Variants in GVQW3 observed in about 807,000 individuals in gnomAD.
The protein encoded by GVQW3 is GVQW motif containing 3, also known as protein GVQW3.
A neutral mutation model predicts 12.5 loss-of-function variants in GVQW3; 7 were observed. That is an observed-to-expected ratio of 0.56 (90% CI 0.32 to 1.05). GVQW3 has a LOEUF of 1.05. GVQW3 is among the 50% of genes least tolerant of loss of function. GVQW3 has a pLI of 0.04. For missense variants in GVQW3, 188 were observed against 190.8 expected, an observed-to-expected ratio of 0.99 and a Z score of 0.09; for synonymous variants, 71 against 67.2, an observed-to-expected ratio of 1.06 and a Z score of -0.28.
chr11:76,384,118 G>A (rs770085026), intron 1 of GVQW3, among the ~76,000 whole-genome samples: 1 of 152,216 alleles, frequency 6.6e-6, no homozygotes, highest in African/African-American at 2.4e-5. Flanking sequence ...GAAACATTCA[G>A]GGGGCAGGGG....
chr11:76,390,352 G>A (rs1946879571), intron 1 of GVQW3, among the ~76,000 whole-genome samples: 3 of 152,182 alleles, frequency 2.0e-5, no homozygotes, highest in Admixed American at 2.0e-4. Flanking sequence ...CTCTAAGGTT[G>A]TCAGTTAATT....
At chr11:76,384,559 G>A (rs1946812828) in intron 1 of GVQW3, among the ~76,000 whole-genome samples, 1 of 152,198 alleles carries the variant, frequency 6.6e-6, no homozygotes, top group Admixed American at 6.5e-5. Flanking sequence ...CTGACCTCAG[G>A]TGATCCACCC....
intron 1 of GVQW3, among the ~76,000 whole-genome samples, chr11:76,391,485 G>C (rs1340307847): frequency 1.3e-5 from 2 of 152,210 alleles, no homozygotes; most frequent in Non-Finnish European, 2.9e-5. Flanking sequence ...GGGAGACCAG[G>C]GCATTGACAG....
At chr11:76,396,408 G>A (rs1946940002) in intron 1 of GVQW3, among the ~76,000 whole-genome samples, 1 of 151,844 alleles carries the variant, frequency 6.6e-6, no homozygotes, top group Non-Finnish European at 1.5e-5. Context: ...TACGCTTCCC[G>A]GGCTCAAGGG....
intron 1 of GVQW3, among the ~76,000 whole-genome samples, chr11:76,400,006 T>TACACACACACACACACAC (rs60192043): frequency 1.3e-4 from 18 of 140,374 alleles, no homozygotes; most frequent in Non-Finnish European, 2.5e-4. Flanking sequence ...TCTCTCTGTA[T>TACACACACACACACACAC]ACACACACAC....
At chr11:76,403,334 C>T (rs12223763) in intron 1 of GVQW3, among the ~76,000 whole-genome samples, 39,836 of 152,072 alleles carry the variant, frequency 0.26, 5,533 homozygotes, top group Admixed American at 0.36. Flanking sequence ...TTTATTCTTT[C>T]GTATAATTTA....
intron 1 of GVQW3, among the ~76,000 whole-genome samples, chr11:76,390,745 T>C (rs1946883869): frequency 6.6e-6 from 1 of 151,434 alleles, no homozygotes; most frequent in African/African-American, 2.4e-5. Context: ...GAGAATGGCG[T>C]GAACCCGGGA....
At chr11:76,414,073 C>A (rs1247092893) in exon 2 of GVQW3, 2 of 152,124 alleles carry the variant, frequency 1.3e-5, no homozygotes, top group African/African-American at 4.8e-5. Flanking sequence ...TGGTCACAAA[C>A]TTCTGTCTCT....
chr11:76,387,738 A>G (rs1013747417), intron 1 of GVQW3, among the ~76,000 whole-genome samples: 3 of 152,144 alleles, frequency 2.0e-5, no homozygotes, highest in Non-Finnish European at 4.4e-5. Flanking sequence ...CTGGGCCAAC[A>G]TGGTGAAACC....
chr11:76,393,804 A>T (rs561569889), intron 1 of GVQW3, among the ~76,000 whole-genome samples: 3 of 152,178 alleles, frequency 2.0e-5, no homozygotes, highest in Non-Finnish European at 4.4e-5. Flanking sequence ...CATACAATGT[A>T]TAGCAATCAC....
chr11:76,388,617 T>C (rs1291572255), intron 1 of GVQW3, among the ~76,000 whole-genome samples: 1 of 151,676 alleles, frequency 6.6e-6, no homozygotes, highest in East Asian at 1.9e-4. Flanking sequence ...TGCTATCTTG[T>C]GTGCCGAGAT....
At chr11:76,387,305 G>A (rs994331047) in intron 1 of GVQW3, among the ~76,000 whole-genome samples, 4 of 152,012 alleles carry the variant, frequency 2.6e-5, no homozygotes, top group Non-Finnish European at 4.4e-5. Context: ...GCGTGGTGGT[G>A]TGTGTCTGTA....
intron 1 of GVQW3, chr11:76,394,858 T>A (rs1946925627): frequency 6.6e-6 from 1 of 152,258 alleles, no homozygotes; most frequent in South Asian, 2.1e-4. Flanking sequence ...CATTTGTTAT[T>A]GCCTGTCTTT....
intron 1 of GVQW3, among the ~76,000 whole-genome samples, chr11:76,388,826 G>A (rs1323395422): frequency 6.6e-6 from 1 of 152,056 alleles, no homozygotes; most frequent in East Asian, 1.9e-4. Context: ...TTAATAATTA[G>A]AGGACTGCGT....
At position 76,381,984 on chromosome 11, in the gene GVQW3, AG is replaced by A; in HGVS notation, c.158del (p.Gly53AspfsTer36). 1 of 1,536,436 alleles carries A rather than the reference AG, an allele frequency of 6.5e-7. No homozygotes were observed. The highest frequency in any genetic ancestry group is 1.2e-5 in the South Asian group (1 of 84,070). On this transcript the variant is annotated frameshift_variant, in exon 1 of 2. Transcript: ENST00000529331. LOFTEE classifies it high-confidence loss of function. ...TTGACTGGCACAAAAGGTTTAAAGA[AG>A]GACGGGAAGATGTTCGAGATGATGC... ...VFDWHKRFKE[G>X]REDVRDDARS... is the part of the protein sequence containing the mutation.
intron 1 of GVQW3, among the ~76,000 whole-genome samples, chr11:76,391,082 G>T (rs907384266): frequency 1.3e-5 from 2 of 152,190 alleles, no homozygotes; most frequent in Non-Finnish European, 2.9e-5. Context: ...ACCCTACAAC[G>T]TGGTGGTAGT....
At chr11:76,399,494 T>C (rs1385105284) in intron 1 of GVQW3, among the ~76,000 whole-genome samples, 1 of 152,164 alleles carries the variant, frequency 6.6e-6, no homozygotes, top group African/African-American at 2.4e-5. Context: ...TTATCAATAA[T>C]TCATGATGGT....
intron 1 of GVQW3, among the ~76,000 whole-genome samples, chr11:76,402,443 C>G (rs551136172): frequency 6.6e-6 from 1 of 151,750 alleles, no homozygotes; most frequent in Non-Finnish European, 1.5e-5. Context: ...ATCCTAGCTA[C>G]TCAGGAGGCT....
chr11:76,389,129 CATT>C (rs1325091871), intron 1 of GVQW3, among the ~76,000 whole-genome samples: 3 of 152,152 alleles, frequency 2.0e-5, no homozygotes, highest in African/African-American at 7.2e-5. Context: ...GTTGTGCCAT[CATT>C]ATAATTTATG....
Sources: allele counts gnomAD v4.1 joint callset (sites outside exome capture counted in the v4.1 genomes callset), GRCh38; gene constraint gnomAD v4.1.1; transcripts MANE v1.5; gene names NCBI Gene and HGNC (gene_info 2026-07-23, HGNC 2026-07-21).